Variants in PARN observed in about 807,000 individuals in gnomAD.
PARN encodes the protein poly(A)-specific ribonuclease PARN.
A neutral mutation model predicts 102.8 loss-of-function variants in PARN; 71 were observed. The ratio of observed to expected loss-of-function variants is 0.69; its 90% confidence interval spans 0.57 to 0.84. The LOEUF is 0.84. PARN is among the 40% of genes least tolerant of loss of function. PARN has a pLI of 0.00. For synonymous variants in PARN, 261 were observed against 252.9 expected (o/e 1.03, Z -0.30); for missense variants, 782 against 760.9 (o/e 1.03, Z -0.33).
intron 12 of PARN, among the ~76,000 whole-genome samples, chr16:14,594,715 G>C (rs1970399881): frequency 6.6e-6 from 1 of 151,014 alleles, no homozygotes; most frequent in South Asian, 2.1e-4. Context: ...CTCTGTCTTG[G>C]AAAAAAAAAT....
At position 14,446,879 on chromosome 16, in the gene PARN, A is replaced by G. The variant is rs2151556782; in HGVS notation, c.1864+9T>C. The G allele has an allele frequency of 6.2e-7, 1 of 1,605,946 alleles. No individual in the cohort carries two copies. ...CGGCCCCAGAACTTCGGCAAGATCC[A>G]ATACAAACCTGCTGGAGAAAGCTCC... On this transcript the variant is annotated intron_variant, in intron 23 of 23. Coordinates refer to ENST00000437198, the MANE Select transcript of PARN (RefSeq NM_002582.4).
chr16:14,469,217 A>G (rs1010743082), intron 22 of PARN, among the ~76,000 whole-genome samples: 13 of 152,130 alleles, frequency 8.5e-5, no homozygotes, highest in African/African-American at 2.9e-4. Flanking sequence ...GAATCGCTTG[A>G]ACCCGGGAGG....
intron 6 of PARN, among the ~76,000 whole-genome samples, chr16:14,612,461 A>T (rs1354385017): frequency 6.6e-6 from 1 of 152,120 alleles, no homozygotes; most frequent in Non-Finnish European, 1.5e-5. Flanking sequence ...AAAATAAAAA[A>T]AACACCTTGC....
At chr16:14,588,872 C>T (rs1016222764) in intron 13 of PARN, among the ~76,000 whole-genome samples, 2 of 151,192 alleles carry the variant, frequency 1.3e-5, no homozygotes, top group African/African-American at 4.9e-5. Context: ...CAGAGTGAGA[C>T]TCTGTCTCAA....
intron 9 of PARN, among the ~76,000 whole-genome samples, chr16:14,606,820 C>A (rs1471704011): frequency 6.8e-6 from 1 of 146,632 alleles, no homozygotes; most frequent in South Asian, 2.1e-4. Flanking sequence ...CTCTCTCTGT[C>A]GCCCAGGCTG....
intron 21 of PARN, among the ~76,000 whole-genome samples, chr16:14,547,863 T>C (rs34483003): frequency 0.19 from 28,348 of 152,142 alleles, 3,259 homozygotes; most frequent in Non-Finnish European, 0.25. Flanking sequence ...GCTATATAAA[T>C]AGGCATTTAA....
chr16:14,489,962 A>C (rs1963968610), intron 21 of PARN, among the ~76,000 whole-genome samples: 1 of 152,256 alleles, frequency 6.6e-6, no homozygotes, highest in African/African-American at 2.4e-5. Flanking sequence ...TGAGTCCAGC[A>C]GTTCAAGACC....
intron 21 of PARN, among the ~76,000 whole-genome samples, chr16:14,549,216 A>T (rs1388497918): frequency 1.3e-5 from 2 of 152,214 alleles, no homozygotes; most frequent in African/African-American, 2.4e-5. Flanking sequence ...CTATACCGGA[A>T]AATTAAACTT....
chr16:14,606,686 G>A lies in PARN; in HGVS notation c.660-160C>T, dbSNP rs143456641. Among the ~76,000 whole-genome samples the A allele has an allele frequency of 4.0e-5, 6 of 151,758 alleles. No homozygotes were observed. In the East Asian group the frequency reaches 5.8e-4, roughly 15 times the overall value. ...CTTTACAGCACATTTATTTTATAACGTTTCAGCTGCTAAATGTTTCCTTAC... is the reference window on the plus strand; with the variant it reads ...CTTTACAGCACATTTATTTTATAACATTTCAGCTGCTAAATGTTTCCTTAC... On this transcript the variant is annotated intron_variant, in intron 9 of 23. Coordinates refer to ENST00000437198, the MANE Select transcript of PARN (RefSeq NM_002582.4).
intron 18 of PARN, among the ~76,000 whole-genome samples, chr16:14,580,630 T>C (rs1969473008): frequency 6.6e-6 from 1 of 152,102 alleles, no homozygotes; most frequent in South Asian, 2.1e-4. Flanking sequence ...TTCTTTTTCT[T>C]GGAAGAGATC....
rs1336426171 is a variant in PARN, at chr16:14,586,356, T to G, written c.924A>C (p.Leu308Phe). The part of the protein sequence containing the change: ...HQFYCPLPAD[L>F]SEFKEMTTCV... ...ATGTTGTCATCTCTTTAAACTCACT[T>G]AAGTCCTAAAGAACAAGAGAAGGAC... is the stretch of plus-strand genomic sequence containing the variant. The change falls in exon 14 of 24, where the codon TTA becomes TTC. Residue 308 changes from leucine (L) to phenylalanine (F), a missense_variant. Physicochemically the swap from Leu to Phe is conservative, Grantham distance 22. Coordinates refer to ENST00000437198, the MANE Select transcript of PARN (RefSeq NM_002582.4). The G allele has an allele frequency of 6.5e-7, 1 of 1,528,416 alleles. No homozygotes were observed. The highest frequency in any genetic ancestry group is 1.2e-5 in the South Asian group (1 of 83,890). The allele number at this position is 1,528,416 out of a possible 1,614,324, so 94.7% of individuals were successfully genotyped here. A position where few individuals can be genotyped will look rare whatever the true frequency, so the allele number is the denominator to read the frequency against.
intron 22 of PARN, among the ~76,000 whole-genome samples, chr16:14,470,514 G>A (rs1032524270): frequency 6.6e-6 from 1 of 151,530 alleles, no homozygotes; most frequent in African/African-American, 2.4e-5. Flanking sequence ...CCAGAGTGCA[G>A]TGGTACAATC....
At chr16:14,621,786 G>A (rs968094951) in intron 5 of PARN, among the ~76,000 whole-genome samples, 10 of 151,238 alleles carry the variant, frequency 6.6e-5, no homozygotes, top group African/African-American at 2.4e-4. Context: ...ACTCCAGCCT[G>A]GGCGACAGGG....
chr16:14,489,821 C>T (rs1270169755), intron 21 of PARN, among the ~76,000 whole-genome samples: 1 of 152,200 alleles, frequency 6.6e-6, no homozygotes, highest in Non-Finnish European at 1.5e-5. Flanking sequence ...TCTCAGCAAA[C>T]ATCAAGTTCT....
intron 6 of PARN, among the ~76,000 whole-genome samples, chr16:14,615,718 T>C (rs748264685): frequency 4.3e-4 from 65 of 152,062 alleles, no homozygotes; most frequent in African/African-American, 4.8e-4. Context: ...CCAGCCAACA[T>C]AGTGAAACCC....
At chr16:14,440,301 C>T (rs916171145) in intron 23 of PARN, among the ~76,000 whole-genome samples, 1 of 152,186 alleles carries the variant, frequency 6.6e-6, no homozygotes, top group Non-Finnish European at 1.5e-5. Context: ...GATACCACTA[C>T]ATACCCATTA....
chr16:14,623,964 A>T (rs755486801), intron 5 of PARN, among the ~76,000 whole-genome samples: 2 of 152,184 alleles, frequency 1.3e-5, no homozygotes, highest in Non-Finnish European at 2.9e-5. Context: ...CTGAAAAAGG[A>T]AGAGGAAGAA....
At chr16:14,584,459 C>A (rs754347918) in intron 15 of PARN, 37 bp from the exon 16 acceptor site, 9 of 1,502,440 alleles carry the variant, frequency 6.0e-6, no homozygotes, top group Non-Finnish European at 8.3e-6. Context: ...GAGATTTCAT[C>A]ATCTCAGAAC....
At chr16:14,440,007 T>C (rs566615129) in intron 23 of PARN, among the ~76,000 whole-genome samples, 2 of 152,138 alleles carry the variant, frequency 1.3e-5, no homozygotes, top group Non-Finnish European at 2.9e-5. Flanking sequence ...AAAGCAAGAC[T>C]GTCTCGAAAA....
Sources: allele counts gnomAD v4.1 joint callset (sites outside exome capture counted in the v4.1 genomes callset), GRCh38; gene constraint gnomAD v4.1.1; transcripts MANE v1.5; gene names NCBI Gene and HGNC (gene_info 2026-07-23, HGNC 2026-07-21).